EDIL3: variants seen among roughly 807,000 people sequenced by gnomAD.
EDIL3 encodes EGF-like repeat and discoidin I-like domain-containing protein 3.
EDIL3 carries 37 observed loss-of-function variants against 67.4 expected under a neutral mutation model. The observed-to-expected ratio is 0.55, with a 90% CI of 0.42 to 0.72. The LOEUF (loss-of-function observed/expected upper bound fraction) is 0.72. EDIL3 is among the 30% of genes least tolerant of loss of function. The pLI is 0.00. For missense variants in EDIL3, 527 were observed against 586.3 expected (o/e 0.90, Z 1.04); for synonymous variants, 195 against 196.3 (o/e 0.99, Z 0.05).
intron 9 of EDIL3, among the ~76,000 whole-genome samples, chr5:84,056,843 T>G (rs1746457495): frequency 6.6e-6 from 1 of 152,038 alleles, no homozygotes; most frequent in Non-Finnish European, 1.5e-5. Context: ...ATAAATACAT[T>G]CAGGATAAAA....
intron 9 of EDIL3, among the ~76,000 whole-genome samples, chr5:84,017,978 T>G (rs576494080): frequency 6.6e-6 from 1 of 152,288 alleles, no homozygotes; most frequent in Non-Finnish European, 1.5e-5. Context: ...AATGAAAGCT[T>G]GTTTTACTCC....
At chr5:84,299,404 G>A (rs1216647656) in intron 1 of EDIL3, among the ~76,000 whole-genome samples, 2 of 152,084 alleles carry the variant, frequency 1.3e-5, no homozygotes, top group African/African-American at 4.8e-5. Flanking sequence ...ATTAATGCAA[G>A]TATAAAACTC....
chr5:84,141,618 A>T (rs1748190740), intron 4 of EDIL3, among the ~76,000 whole-genome samples: 1 of 149,006 alleles, frequency 6.7e-6, no homozygotes, highest in African/African-American at 2.4e-5. Context: ...AGAAAATAAT[A>T]AAAGGTAAAT....
chr5:84,045,730 G>T (rs952210849), intron 9 of EDIL3, among the ~76,000 whole-genome samples: 5 of 152,158 alleles, frequency 3.3e-5, no homozygotes, highest in African/African-American at 1.2e-4. Context: ...AAAGACATTA[G>T]ACATTTGAAA....
At chr5:84,093,719 G>A (rs1263267000) in intron 6 of EDIL3, among the ~76,000 whole-genome samples, 1 of 149,646 alleles carries the variant, frequency 6.7e-6, no homozygotes, top group African/African-American at 2.5e-5. Context: ...GAGTGCAGTG[G>A]CACAGTCTCA....
chr5:84,378,579 AT>A (rs1748016079), intron 1 of EDIL3, among the ~76,000 whole-genome samples: 2 of 152,228 alleles, frequency 1.3e-5, no homozygotes, highest in African/African-American at 2.4e-5. Flanking sequence ...GCCAAGAGAA[AT>A]AAGCTTTTCT....
intron 6 of EDIL3, among the ~76,000 whole-genome samples, chr5:84,076,021 C>A (rs1746850505): frequency 6.7e-6 from 1 of 149,734 alleles, no homozygotes; most frequent in Non-Finnish European, 1.5e-5. Flanking sequence ...TATATTAATT[C>A]ACCTAAAAAT....
At position 84,078,093 on chromosome 5, in the gene EDIL3, T is replaced by C. The variant is rs188324026; in HGVS notation, c.652-11487A>G. 1.1e-4 allele frequency among the ~76,000 whole-genome samples: 17 copies of C among 152,318 alleles called. No homozygotes were observed. The East Asian group carries it at 2.9e-3, about 26-fold the overall frequency. On this transcript the variant is annotated intron_variant, in intron 6 of 10. Coordinates refer to ENST00000296591, the MANE Select transcript of EDIL3 (RefSeq NM_005711.5). Reference sequence around the variant, plus strand: ...CTGATGATGGGAATGTAAACTAGCATAGCCATTTCTATCTGTTAGTTGTTA... The same window carrying C: ...CTGATGATGGGAATGTAAACTAGCACAGCCATTTCTATCTGTTAGTTGTTA...
intron 2 of EDIL3, among the ~76,000 whole-genome samples, chr5:84,233,314 C>T (rs1349714838): frequency 1.3e-5 from 2 of 152,148 alleles, no homozygotes; most frequent in South Asian, 2.1e-4. Context: ...TTAGCCCAGG[C>T]TTCTGCATTT....
intron 2 of EDIL3, among the ~76,000 whole-genome samples, chr5:84,249,471 CTGTA>C (rs1489735748): frequency 2.0e-5 from 3 of 149,722 alleles, no homozygotes; most frequent in Non-Finnish European, 4.5e-5. Flanking sequence ...ATCTTTCTGT[CTGTA>C]TGTATGTCTG....
intron 4 of EDIL3, among the ~76,000 whole-genome samples, chr5:84,159,056 G>A (rs1289446963): frequency 1.3e-5 from 2 of 152,030 alleles, no homozygotes; most frequent in Non-Finnish European, 2.9e-5. Context: ...TTTTTATTAT[G>A]TTTTAACGAT....
At chr5:84,180,552 A>G in intron 3 of EDIL3, 31 bp from the exon 4 acceptor site, 1 of 1,531,278 alleles carries the variant, frequency 6.5e-7, no homozygotes, top group Non-Finnish European at 8.8e-7. Flanking sequence ...TTTCTGCTTG[A>G]TGCATATTCT....
chr5:84,022,110 A>G (rs1009450575), intron 9 of EDIL3, among the ~76,000 whole-genome samples: 1 of 151,962 alleles, frequency 6.6e-6, no homozygotes, highest in African/African-American at 2.4e-5. Flanking sequence ...GGCACAATAA[A>G]AAAAGAAAAC....
chr5:84,064,133 G>A (rs1304807334), intron 8 of EDIL3, among the ~76,000 whole-genome samples: 2 of 152,034 alleles, frequency 1.3e-5, no homozygotes, highest in Non-Finnish European at 2.9e-5. Context: ...CAATAAACAG[G>A]TTGCTAGCTA....
intron 1 of EDIL3, among the ~76,000 whole-genome samples, chr5:84,367,062 C>G (rs1747752347): frequency 6.6e-6 from 1 of 152,084 alleles, no homozygotes; most frequent in African/African-American, 2.4e-5. Flanking sequence ...ATAAATAAGT[C>G]CCTGAAAAGA....
chr5:84,293,864 T>G (rs1745977665), intron 1 of EDIL3, among the ~76,000 whole-genome samples: 1 of 151,908 alleles, frequency 6.6e-6, no homozygotes, highest in Non-Finnish European at 1.5e-5. Flanking sequence ...TATTCACTTT[T>G]CTGTTTATAT....
chr5:84,384,718 AG>A lies in EDIL3; in HGVS notation c.-345del, dbSNP rs1748194485. 6.3e-6 allele frequency: 1 copy of A among 159,604 alleles called. No individual in the cohort carries two copies. The highest frequency in any genetic ancestry group is 1.4e-5 in the Non-Finnish European group (1 of 73,230). The allele number at this position is 159,604 out of a possible 1,614,324, so 9.9% of individuals were successfully genotyped here. ...GCCGCCCCGGGTCTGCTGCGCGGGC[AG>A]GCAGACCCACCGGCAGACAGGCGGA... On this transcript the variant is annotated 5_prime_UTR_variant, in exon 1 of 11. Transcript: ENST00000296591.
intron 4 of EDIL3, among the ~76,000 whole-genome samples, chr5:84,177,433 G>A (rs933437862): frequency 7.9e-5 from 12 of 152,132 alleles, no homozygotes; most frequent in African/African-American, 2.7e-4. Context: ...GTTGAGAGAA[G>A]TAGGAAAGGA....
chr5:84,334,786 A>G lies in EDIL3; in HGVS notation c.67+49522T>C, dbSNP rs1053777486. Among the ~76,000 whole-genome samples the G allele has an allele frequency of 5.9e-5, 9 of 152,188 alleles. No homozygotes were observed. The East Asian group carries it at 1.5e-3, about 26-fold the overall frequency. ...TTCCTAAAGTCATATCTTCTTTTAA[A>G]TTATCTTTCAGTAAATACTATTTTT... On this transcript the variant is annotated intron_variant, in intron 1 of 10. Coordinates refer to ENST00000296591, the MANE Select transcript of EDIL3 (RefSeq NM_005711.5).
Sources: allele counts gnomAD v4.1 joint callset (sites outside exome capture counted in the v4.1 genomes callset), GRCh38; gene constraint gnomAD v4.1.1; transcripts MANE v1.5; gene names NCBI Gene and HGNC (gene_info 2026-07-23, HGNC 2026-07-21).